Variants in PRTFDC1 observed in about 807,000 individuals in gnomAD.
The protein encoded by PRTFDC1 is phosphoribosyltransferase domain-containing protein 1.
In PRTFDC1, 38 loss-of-function variants were observed where a neutral mutation model predicts 34.6. That is an observed-to-expected ratio of 1.10 (90% CI 0.85 to 1.44). The LOEUF is 1.44. PRTFDC1 is among the 40% of genes most tolerant of loss of function. The probability of loss-of-function intolerance (pLI) is 0.00; values close to 1 mark genes in which losing one functional copy is unlikely to be tolerated. For missense variants in PRTFDC1, 270 were observed against 283.0 expected (o/e 0.95, Z 0.33); for synonymous variants, 93 against 98.1 (o/e 0.95, Z 0.31).
intron 3 of PRTFDC1, among the ~76,000 whole-genome samples, chr10:24,916,686 C>G (rs1195767344): frequency 6.6e-6 from 1 of 152,200 alleles, no homozygotes; most frequent in Non-Finnish European, 1.5e-5. Context: ...GACCACTCCC[C>G]ACAACCCCTC....
chr10:24,855,213 C>T, intron 7 of PRTFDC1, 105 bp downstream of exon 7: 1 of 1,131,494 alleles, frequency 8.8e-7, no homozygotes, highest in Non-Finnish European at 1.3e-6. Context: ...TTCAAATCCA[C>T]ATGCAATGCT....
chr10:24,935,012 A>G (rs546325273), intron 3 of PRTFDC1, among the ~76,000 whole-genome samples: 1 of 152,362 alleles, frequency 6.6e-6, no homozygotes, highest in African/African-American at 2.4e-5. Context: ...AAACTTTAGG[A>G]AAAGAAAACG....
intron 1 of PRTFDC1, among the ~76,000 whole-genome samples, chr10:24,947,651 T>A (rs554972874): frequency 6.6e-6 from 1 of 152,232 alleles, no homozygotes; most frequent in Admixed American, 6.5e-5. Flanking sequence ...GCTTAGACTA[T>A]TTTTTGCATC....
At chr10:24,850,042 A>G in intron 8 of PRTFDC1, 151 bp from the exon 9 acceptor site, 1 of 722,558 alleles carries the variant, frequency 1.4e-6, no homozygotes, top group South Asian at 1.8e-5. Flanking sequence ...GTAAAATCTA[A>G]AGAGACCCAT....
At chr10:24,950,606 T>C (rs1407579209) in intron 1 of PRTFDC1, among the ~76,000 whole-genome samples, 2 of 152,122 alleles carry the variant, frequency 1.3e-5, no homozygotes, top group African/African-American at 4.8e-5. Context: ...GCTGTCCCTG[T>C]AACATCTGAC....
chr10:24,940,019 A>C (rs1849128526), intron 2 of PRTFDC1, among the ~76,000 whole-genome samples: 1 of 152,128 alleles, frequency 6.6e-6, no homozygotes, highest in African/African-American at 2.4e-5. Context: ...AAGAGACATA[A>C]CAATTCCTAA....
chr10:24,849,722 A>AT lies in PRTFDC1; in HGVS notation c.*121dup, dbSNP rs1164633273. 9.4e-6 allele frequency: 8 copies of AT among 849,848 alleles called. No homozygotes were observed. The highest frequency in any genetic ancestry group is 7.4e-5 in the East Asian group (3 of 40,366). The allele number at this position is 849,848 out of a possible 1,614,324, so 52.6% of individuals were successfully genotyped here. The stretch of plus-strand genomic sequence containing the variant: ...GAAAAGAAAGCTCTCTCATTTGAAC[A>AT]TTTTTTTCTTTTATATCCTGCTGAG... On this transcript the variant is annotated 3_prime_UTR_variant, in exon 9 of 9. Coordinates refer to ENST00000320152, the MANE Select transcript of PRTFDC1 (RefSeq NM_020200.7).
intron 3 of PRTFDC1, among the ~76,000 whole-genome samples, chr10:24,878,817 C>T (rs541531342): frequency 2.6e-5 from 4 of 152,232 alleles, no homozygotes; most frequent in South Asian, 2.1e-4. Flanking sequence ...AACAAGAGAA[C>T]CACCCTCTAA....
chr10:24,852,788 G>T (rs1222134013), intron 7 of PRTFDC1, among the ~76,000 whole-genome samples: 2 of 152,046 alleles, frequency 1.3e-5, no homozygotes, highest in Non-Finnish European at 2.9e-5. Context: ...GTGTACTTGG[G>T]TACAGCCAGT....
chr10:24,862,426 G>A (rs1053983135), intron 4 of PRTFDC1, among the ~76,000 whole-genome samples: 2 of 152,090 alleles, frequency 1.3e-5, no homozygotes, highest in Non-Finnish European at 1.5e-5. Context: ...CCAGGCTGGA[G>A]TGCAATGGCG....
intron 3 of PRTFDC1, among the ~76,000 whole-genome samples, chr10:24,917,988 T>C (rs888116636): frequency 1.3e-5 from 2 of 152,182 alleles, no homozygotes; most frequent in Non-Finnish European, 2.9e-5. Flanking sequence ...TGGTTCATTT[T>C]TTTCTGAAAA....
chr10:24,856,412 C>T (rs897203356), intron 6 of PRTFDC1, among the ~76,000 whole-genome samples: 4 of 151,948 alleles, frequency 2.6e-5, no homozygotes, highest in African/African-American at 9.7e-5. Context: ...CATGGTGAAA[C>T]CCCATCTCTG....
At chr10:24,890,346 C>T (rs1309656742) in intron 3 of PRTFDC1, among the ~76,000 whole-genome samples, 1 of 152,178 alleles carries the variant, frequency 6.6e-6, no homozygotes, top group Admixed American at 6.5e-5. Context: ...CTAGGAACAG[C>T]TCTTCAATGA....
intron 3 of PRTFDC1, among the ~76,000 whole-genome samples, chr10:24,927,985 G>C (rs1276394988): frequency 2.0e-5 from 3 of 152,078 alleles, no homozygotes; most frequent in Non-Finnish European, 4.4e-5. Context: ...AAGATGAGGC[G>C]CTACCAATTT....
chr10:24,919,889 T>A (rs555346864), intron 3 of PRTFDC1, among the ~76,000 whole-genome samples: 1 of 151,898 alleles, frequency 6.6e-6, no homozygotes, highest in Admixed American at 6.6e-5. Context: ...ACATCACAAA[T>A]CATTAGAGAA....
intron 3 of PRTFDC1, among the ~76,000 whole-genome samples, chr10:24,917,516 T>C (rs980914251): frequency 6.6e-6 from 1 of 152,250 alleles, no homozygotes; most frequent in African/African-American, 2.4e-5. Flanking sequence ...AATATTTTGA[T>C]GTTTTCTTCT....
chr10:24,849,730 C>T lies in PRTFDC1; in HGVS notation c.*114G>A. 17 of 923,180 alleles carry T rather than the reference C, an allele frequency of 1.8e-5. No homozygotes were observed. The highest frequency in any genetic ancestry group is 4.6e-5 in the Admixed American group (2 of 43,728). 57.2% of individuals were successfully genotyped at this position (923,180 alleles called of 1,614,324 possible). A position where few individuals can be genotyped will look rare whatever the true frequency, so the allele number is the denominator to read the frequency against. ...AGCTCTCTCATTTGAACATTTTTTT[C>T]TTTTATATCCTGCTGAGTGAAGATG... On this transcript the variant is annotated 3_prime_UTR_variant, in exon 9 of 9. Transcript: ENST00000320152.
intron 3 of PRTFDC1, among the ~76,000 whole-genome samples, chr10:24,914,350 T>C (rs1433996774): frequency 1.3e-5 from 2 of 152,226 alleles, no homozygotes; most frequent in East Asian, 1.9e-4. Flanking sequence ...AATTATTTCT[T>C]AGGCATTTGC....
At chr10:24,875,752 T>A (rs902600872) in intron 3 of PRTFDC1, among the ~76,000 whole-genome samples, 13 of 152,002 alleles carry the variant, frequency 8.6e-5, no homozygotes, top group African/African-American at 3.1e-4. Context: ...TAATCTAACA[T>A]GTCTACTTCA....
Sources: gnomAD v4.1 joint callset for allele counts (sites outside exome capture counted in the v4.1 genomes callset) on GRCh38, gnomAD v4.1.1 for gene constraint, MANE v1.5 for transcripts, NCBI Gene and HGNC (gene_info 2026-07-23, HGNC 2026-07-21) for gene names.